Variants in PROM1 observed in about 807,000 individuals in gnomAD.
The protein encoded by PROM1 is prominin 1, also known as prominin-1.
In PROM1, 105 loss-of-function variants were observed where a neutral mutation model predicts 116.9. That is an observed-to-expected ratio of 0.90 (90% CI 0.77 to 1.06). The LOEUF (loss-of-function observed/expected upper bound fraction) is 1.06, where lower values mean the gene tolerates loss of function less well. Ranked by LOEUF, PROM1 falls within the 50% of genes least tolerant of loss-of-function variation. The pLI, the probability that PROM1 is intolerant of heterozygous loss-of-function variation, is 0.00. For missense variants in PROM1, 1,122 were observed against 1,045.2 expected, an observed-to-expected ratio of 1.07 and a Z score of -1.01; for synonymous variants, 393 against 387.0, an observed-to-expected ratio of 1.02 and a Z score of -0.18.
chr4:16,069,040 G>A (rs1210595965), intron 2 of PROM1, among the ~76,000 whole-genome samples: 1 of 152,208 alleles, frequency 6.6e-6, no homozygotes, highest in Non-Finnish European at 1.5e-5. Flanking sequence ...TTCAAGACCA[G>A]CCTAGCCAAC....
chr4:16,041,155 T>C (rs1012175602), intron 2 of PROM1, among the ~76,000 whole-genome samples: 1 of 152,182 alleles, frequency 6.6e-6, no homozygotes. Flanking sequence ...TGCACTAGGG[T>C]GCAAAGGCGG....
intron 26 of PROM1, among the ~76,000 whole-genome samples, chr4:15,974,080 TACAGACACACACAC>T (rs1196778565): frequency 2.0e-5 from 3 of 148,226 alleles, no homozygotes; most frequent in Admixed American, 1.4e-4. Context: ...CACACACACA[TACAGACACACACAC>T]ACAGACACAC....
intron 5 of PROM1, among the ~76,000 whole-genome samples, chr4:16,031,224 G>A (rs1471631961): frequency 6.6e-6 from 1 of 152,096 alleles, no homozygotes; most frequent in African/African-American, 2.4e-5. Flanking sequence ...GAAGCCCTAA[G>A]GGCAATATTT....
intron 20 of PROM1, 104 bp from the exon 21 acceptor site, chr4:15,986,141 C>T (rs1022504670): frequency 2.5e-5 from 19 of 752,796 alleles, no homozygotes; most frequent in Non-Finnish European, 3.7e-5. Context: ...TGCAACACCA[C>T]GACCTGGACC....
chr4:16,018,626 T>G, intron 8 of PROM1, 86 bp from the exon 9 acceptor site: 8 of 1,238,524 alleles, frequency 6.5e-6, no homozygotes, highest in Non-Finnish European at 9.2e-6. Flanking sequence ...TGGGATGGAC[T>G]GGTAAATGAC....
chr4:16,011,554 G>A (rs535929185), intron 11 of PROM1, among the ~76,000 whole-genome samples: 10 of 152,288 alleles, frequency 6.6e-5, no homozygotes, highest in Admixed American at 6.5e-4. Context: ...CTCAATGCAC[G>A]CAGCACAATT....
chr4:16,015,991 A>T (rs1728285934), intron 10 of PROM1, among the ~76,000 whole-genome samples, 175 bp downstream of exon 10: 1 of 152,160 alleles, frequency 6.6e-6, no homozygotes, highest in African/African-American at 2.4e-5. Flanking sequence ...GCTTAACAAA[A>T]ATTCTGGGAA....
chr4:15,998,326 T>C (rs1722829998), intron 15 of PROM1, 59 bp downstream of exon 15: 1 of 1,472,734 alleles, frequency 6.8e-7, no homozygotes, highest in African/African-American at 1.4e-5. Flanking sequence ...AAATGCAAAA[T>C]TCTCATTCCA....
chr4:15,974,432 A>T (rs1365051402), intron 26 of PROM1, among the ~76,000 whole-genome samples: 1 of 152,232 alleles, frequency 6.6e-6, no homozygotes, highest in Non-Finnish European at 1.5e-5. Flanking sequence ...AAATAAATAG[A>T]AATAAAAGAA....
rs574970028 is a variant in PROM1, at chr4:16,081,986, C to T, written c.-213+1992G>A. 2.0e-5 allele frequency: 3 copies of T among 152,068 alleles called. No homozygotes were observed. In the South Asian group the frequency reaches 6.2e-4, roughly 32 times the overall value. The allele number at this position is 152,068 out of a possible 1,614,324, so 9.4% of individuals were successfully genotyped here. On this transcript the variant is annotated intron_variant, in intron 1 of 27. Coordinates refer to ENST00000447510, the MANE Select transcript of PROM1 (RefSeq NM_006017.3). Reference sequence around the variant, plus strand: ...CAGCAACAGTAAGGGGGCTCTGGTCCCCCTTACTAACTCTGCCAAGATGAC... The same window carrying T: ...CAGCAACAGTAAGGGGGCTCTGGTCTCCCTTACTAACTCTGCCAAGATGAC...
intron 1 of PROM1, chr4:16,079,893 T>C (rs1744676480): frequency 6.7e-6 from 1 of 150,088 alleles, no homozygotes; most frequent in Non-Finnish European, 1.5e-5. Flanking sequence ...TGAATTGATC[T>C]ACCCCAGCTG....
chr4:15,995,862 G>A (rs951064418), intron 15 of PROM1, among the ~76,000 whole-genome samples: 3 of 152,126 alleles, frequency 2.0e-5, no homozygotes, highest in African/African-American at 7.2e-5. Flanking sequence ...CTGTATTCTA[G>A]AACACTTCTT....
intron 2 of PROM1, among the ~76,000 whole-genome samples, chr4:16,060,585 G>A (rs1740096317): frequency 6.6e-6 from 1 of 152,098 alleles, no homozygotes; most frequent in African/African-American, 2.4e-5. Context: ...ATGTGTGTGT[G>A]TGTGCATGTG....
intron 13 of PROM1, among the ~76,000 whole-genome samples, chr4:16,002,078 GAAGTTGC>G (rs1408342447): frequency 6.6e-6 from 1 of 152,150 alleles, no homozygotes; most frequent in African/African-American, 2.4e-5. Context: ...TTGATGATGG[GAAGTTGC>G]ATGATGGCTT....
At chr4:16,041,000 G>A (rs928497063) in intron 2 of PROM1, among the ~76,000 whole-genome samples, 19 of 152,218 alleles carry the variant, frequency 1.2e-4, no homozygotes, top group Admixed American at 7.2e-4. Context: ...GGGAAGCCGT[G>A]AGCCCAGCAC....
chr4:16,053,462 A>G (rs921909567), intron 2 of PROM1, among the ~76,000 whole-genome samples: 4 of 152,244 alleles, frequency 2.6e-5, no homozygotes, highest in Non-Finnish European at 5.9e-5. Context: ...ATTCCGATTC[A>G]AGGGAAGGAA....
chr4:16,027,636 T>C (rs1731653606), intron 5 of PROM1, among the ~76,000 whole-genome samples: 2 of 152,208 alleles, frequency 1.3e-5, no homozygotes, highest in Non-Finnish European at 2.9e-5. Flanking sequence ...TTAATTCTGA[T>C]GGGATATGTC....
intron 1 of PROM1, chr4:16,083,752 A>G (rs945068621): frequency 6.6e-6 from 1 of 152,044 alleles, no homozygotes; most frequent in African/African-American, 2.4e-5. Flanking sequence ...CTCGTGAATT[A>G]TTTATGACCC....
At chr4:15,980,623 TTTTTTTTGGAA>T in intron 23 of PROM1, 86 bp from the exon 24 acceptor site, 4 of 835,276 alleles carry the variant, frequency 4.8e-6, no homozygotes, top group Non-Finnish European at 3.7e-6. Flanking sequence ...TTTTTTTTTT[TTTTTTTTGGAA>T]TTTTTAAAAA....
Sources: allele counts gnomAD v4.1 joint callset (sites outside exome capture counted in the v4.1 genomes callset), GRCh38; gene constraint gnomAD v4.1.1; transcripts MANE v1.5; gene names NCBI Gene and HGNC (gene_info 2026-07-23, HGNC 2026-07-21).